Variants in PMF1 observed in about 807,000 individuals in gnomAD.
PMF1 encodes polyamine modulated factor 1, also known as polyamine-modulated factor 1.
In PMF1, 21 loss-of-function variants were observed where a neutral mutation model predicts 26.7. The observed-to-expected ratio is 0.79, with a 90% confidence interval of 0.56 to 1.13. The LOEUF is 1.13. Ranked by LOEUF, PMF1 falls within the 50% of genes most tolerant of loss-of-function variation. PMF1 has a pLI of 0.00. For synonymous variants in PMF1, 105 were observed against 101.0 expected, an observed-to-expected ratio of 1.04 and a Z score of -0.24; for missense variants, 266 against 254.9, an observed-to-expected ratio of 1.04 and a Z score of -0.30.
intron 1 of PMF1, among the ~76,000 whole-genome samples, chr1:156,214,566 A>G (rs1482829714): frequency 6.6e-6 from 1 of 152,140 alleles, no homozygotes; most frequent in East Asian, 1.9e-4. Flanking sequence ...ACATCATCAC[A>G]TAGGCTGGTA....
Position 156,239,658 on chromosome 1 carries a change from C to T in PMF1, c.*57C>T. On this transcript the variant is annotated 3_prime_UTR_variant, in exon 5 of 5. Transcript: ENST00000368277. Reference sequence around the variant, plus strand: ...TCAAGGTCAAGAGCCTGTGGTCCAGCATGCCTGGCCTGGGCGGGCTACCTC... The same window carrying T: ...TCAAGGTCAAGAGCCTGTGGTCCAGTATGCCTGGCCTGGGCGGGCTACCTC... 6.9e-7 allele frequency: 1 copy of T among 1,450,762 alleles called. No individual in the cohort carries two copies. The highest frequency in any genetic ancestry group is 1.1e-5 in the South Asian group (1 of 87,176). The allele number at this position is 1,450,762 out of a possible 1,614,324, so 89.9% of individuals were successfully genotyped here.
At chr1:156,237,926 G>T (rs559893177) in intron 4 of PMF1, among the ~76,000 whole-genome samples, 1 of 148,450 alleles carries the variant, frequency 6.7e-6, no homozygotes. Flanking sequence ...CTGCTGTGAC[G>T]CCTGGTTAAT....
chr1:156,222,130 C>T (rs1251819208), intron 1 of PMF1, among the ~76,000 whole-genome samples: 1 of 152,212 alleles, frequency 6.6e-6, no homozygotes, highest in Non-Finnish European at 1.5e-5. Flanking sequence ...GCCATTCCTT[C>T]CCATCTCACC....
intron 2 of PMF1, 118 bp from the exon 3 acceptor site, chr1:156,233,510 G>A: frequency 1.3e-5 from 12 of 952,294 alleles, no homozygotes; most frequent in Admixed American, 2.3e-5. Context: ...GTCAGGGAAA[G>A]CATAAAGACC....
intron 3 of PMF1, 38 bp downstream of exon 3, chr1:156,233,766 G>A: frequency 1.3e-6 from 2 of 1,538,100 alleles, no homozygotes; most frequent in Non-Finnish European, 1.8e-6. Context: ...GTACAGGAAA[G>A]AGGCAGCAAT....
chr1:156,226,928 G>T (rs1451399094), intron 1 of PMF1, among the ~76,000 whole-genome samples: 1 of 152,162 alleles, frequency 6.6e-6, no homozygotes, highest in Admixed American at 6.5e-5. Context: ...GGTGAAGAGG[G>T]GCCTTGGCAG....
chr1:156,217,920 C>T (rs922886038), intron 1 of PMF1, among the ~76,000 whole-genome samples: 2 of 152,190 alleles, frequency 1.3e-5, no homozygotes, highest in Non-Finnish European at 2.9e-5. Context: ...TAGAATTTCT[C>T]TGAGACATGT....
At chr1:156,232,249 G>A in intron 1 of PMF1, 71 bp from the exon 2 acceptor site, 2 of 1,388,782 alleles carry the variant, frequency 1.4e-6, no homozygotes, top group Non-Finnish European at 1.0e-6. Context: ...GCGAAGCGGA[G>A]GTACCCAGGC....
At chr1:156,221,537 T>C (rs1658082063) in intron 1 of PMF1, among the ~76,000 whole-genome samples, 1 of 152,202 alleles carries the variant, frequency 6.6e-6, no homozygotes, top group Non-Finnish European at 1.5e-5. Flanking sequence ...GGGCAGTATC[T>C]TGTCTGTCTT....
At chr1:156,213,216 C>G (rs762012919) in intron 1 of PMF1, 40 bp downstream of exon 1, 2 of 1,600,296 alleles carry the variant, frequency 1.2e-6, no homozygotes, top group African/African-American at 1.3e-5. Flanking sequence ...TTTGTTGGCA[C>G]CGAAGCTCAA....
At chr1:156,215,978 G>A (rs1252925436) in intron 1 of PMF1, among the ~76,000 whole-genome samples, 2 of 152,120 alleles carry the variant, frequency 1.3e-5, no homozygotes, top group Non-Finnish European at 2.9e-5. Flanking sequence ...ACTGACCATT[G>A]ACAGTGTCAA....
At chr1:156,228,256 A>ATT (rs772709878) in intron 1 of PMF1, among the ~76,000 whole-genome samples, 1,076 of 33,538 alleles carry the variant, frequency 0.032, 295 homozygotes, top group African/African-American at 0.078. Context: ...GCACCTGGCG[A>ATT]TTTTTTTTTT....
intron 1 of PMF1, among the ~76,000 whole-genome samples, chr1:156,216,378 G>T (rs1262161718): frequency 6.6e-6 from 1 of 152,136 alleles, no homozygotes; most frequent in Non-Finnish European, 1.5e-5. Context: ...GCAACAGAGT[G>T]AGACTCTATC....
At position 156,217,156 on chromosome 1, in the gene PMF1, C is replaced by T. The variant is rs746265791; in HGVS notation, c.161+3980C>T. Among the ~76,000 whole-genome samples, 4 of 148,652 alleles carry T rather than the reference C, an allele frequency of 2.7e-5. No individual in the cohort carries two copies. The East Asian group carries it at 7.9e-4, about 29-fold the overall frequency. ...CTAGATGACGAGTTAGTGGGTGCAG[C>T]GCACCAGCATGGCACATGTATACAT... On this transcript the variant is annotated intron_variant, in intron 1 of 4. Transcript: ENST00000368277.
At chr1:156,220,468 C>T (rs1658019826) in intron 1 of PMF1, among the ~76,000 whole-genome samples, 1 of 152,150 alleles carries the variant, frequency 6.6e-6, no homozygotes, top group Non-Finnish European at 1.5e-5. Context: ...CCCGCCTCAG[C>T]CTCCTAAAGG....
At chr1:156,239,350 G>A (rs953075177) in intron 4 of PMF1, among the ~76,000 whole-genome samples, 198 bp from the exon 5 acceptor site, 1 of 152,160 alleles carries the variant, frequency 6.6e-6, no homozygotes, top group African/African-American at 2.4e-5. Flanking sequence ...AACCCAGCTT[G>A]CTATAAATAC....
intron 1 of PMF1, 24 bp from the exon 2 acceptor site, chr1:156,232,296 C>T (rs1658756622): frequency 1.2e-6 from 2 of 1,612,464 alleles, no homozygotes; most frequent in Non-Finnish European, 1.7e-6. Context: ...CCCTCCCCAC[C>T]TTTGCTTCTC....
At chr1:156,219,365 A>G (rs558720295) in intron 1 of PMF1, among the ~76,000 whole-genome samples, 1 of 152,230 alleles carries the variant, frequency 6.6e-6, no homozygotes, top group Admixed American at 6.5e-5. Flanking sequence ...GATAGTCTCA[A>G]GCCAGGCTTA....
At chr1:156,218,353 A>G (rs968476050) in intron 1 of PMF1, among the ~76,000 whole-genome samples, 2 of 152,188 alleles carry the variant, frequency 1.3e-5, no homozygotes, top group African/African-American at 4.8e-5. Flanking sequence ...ACACATTTCA[A>G]CTGTTTCCAT....
Sources: gnomAD v4.1 joint callset for allele counts (sites outside exome capture counted in the v4.1 genomes callset) on GRCh38, gnomAD v4.1.1 for gene constraint, MANE v1.5 for transcripts, NCBI Gene and HGNC (gene_info 2026-07-23, HGNC 2026-07-21) for gene names.